The following SLC12A6 variants were observed in gnomAD, a reference collection of about 807,000 sequenced individuals.
The protein encoded by SLC12A6 is K-Cl cotransporter 3.
SLC12A6 carries 66 observed loss-of-function variants against 135.3 expected under a neutral mutation model. The observed-to-expected ratio is 0.49, with a 90% CI of 0.40 to 0.60. The LOEUF (loss-of-function observed/expected upper bound fraction) is 0.60. Among genes scored for constraint, SLC12A6 ranks in the 20% least tolerant of loss-of-function variants. The probability of loss-of-function intolerance (pLI) is 0.00; values close to 1 mark genes in which losing one functional copy is unlikely to be tolerated. For missense variants in SLC12A6, 1,058 were observed against 1,452.3 expected (o/e 0.73, Z 4.41); for synonymous variants, 513 against 508.8 (o/e 1.01, Z -0.11).
chr15:34,298,872 T>C (rs1376818283), intron 2 of SLC12A6, among the ~76,000 whole-genome samples: 1 of 152,180 alleles, frequency 6.6e-6, no homozygotes, highest in Non-Finnish European at 1.5e-5. Context: ...CTTAGACCAA[T>C]TGCCACCAAT....
intron 2 of SLC12A6, among the ~76,000 whole-genome samples, chr15:34,331,642 A>C (rs1464471687): frequency 1.3e-5 from 2 of 152,208 alleles, no homozygotes; most frequent in African/African-American, 4.8e-5. Context: ...ACTAGGTGTA[A>C]ATGATTTTGT....
intron 2 of SLC12A6, among the ~76,000 whole-genome samples, chr15:34,325,461 T>C (rs79427324): frequency 0.021 from 3,259 of 152,290 alleles, 56 homozygotes; most frequent in Admixed American, 0.047. Flanking sequence ...AAACTGTCTA[T>C]GAAAATGCAT....
intron 2 of SLC12A6, among the ~76,000 whole-genome samples, chr15:34,276,156 T>C (rs1894283698): frequency 6.6e-6 from 1 of 152,118 alleles, no homozygotes; most frequent in Non-Finnish European, 1.5e-5. Flanking sequence ...ATTAAAAAAA[T>C]AATAATCACA....
chr15:34,256,184 G>A (rs1386968971), intron 7 of SLC12A6, 45 bp downstream of exon 7: 2 of 1,213,158 alleles, frequency 1.6e-6, no homozygotes, highest in Non-Finnish European at 2.5e-6. Flanking sequence ...CATAAACACA[G>A]AGTCAACACT....
At chr15:34,274,236 G>T (rs1894149254) in intron 3 of SLC12A6, among the ~76,000 whole-genome samples, 1 of 152,024 alleles carries the variant, frequency 6.6e-6, no homozygotes. Flanking sequence ...AAAATGTTAA[G>T]TAAAAAGAAG....
chr15:34,336,602 C>A lies in SLC12A6; in HGVS notation c.79G>T (p.Gly27Cys), dbSNP rs752795341. 7 of 1,613,606 alleles carry A rather than the reference C, an allele frequency of 4.3e-6. No individual in the cohort carries two copies. In the Admixed American group the frequency reaches 1.2e-4, roughly 27 times the overall value. ...VTPTKIDDIP[G>C]LSDTSPDLSS... ...AGGTCCGGACTGGTGTCTGACAAAC[C>A]TGGAATGTCATCGATCTTTGTCGGT... Residue 27 changes from glycine (G) to cysteine (C), a missense_variant, in exon 2 of 26, where the codon GGT (glycine) becomes TGT (cysteine). By Grantham distance (159) the Gly-to-Cys change is radical. Transcript: ENST00000354181.
chr15:34,277,751 T>C (rs1408015939), intron 2 of SLC12A6, among the ~76,000 whole-genome samples: 1 of 152,224 alleles, frequency 6.6e-6, no homozygotes, highest in East Asian at 1.9e-4. Context: ...TCCTTCAAGA[T>C]TCTGATTCCC....
intron 2 of SLC12A6, among the ~76,000 whole-genome samples, chr15:34,279,833 A>G (rs2065431631): frequency 6.6e-6 from 1 of 152,226 alleles, no homozygotes; most frequent in African/African-American, 2.4e-5. Flanking sequence ...AAAAAATAGA[A>G]ACAAACTATA....
rs530625308 is a variant in SLC12A6, at chr15:34,240,181, T to C, written c.2436+480A>G. ...ATAGGATTAGTTCTATCATATATAA[T>C]AAGTATTAGAGTGAAAACAACTTCC... On this transcript the variant is annotated intron_variant, in intron 19 of 25. Transcript: ENST00000354181. 7.2e-5 allele frequency among the ~76,000 whole-genome samples: 11 copies of C among 152,172 alleles called. No homozygotes were observed. In the South Asian group the frequency reaches 2.3e-3, roughly 32 times the overall value.
At chr15:34,318,896 A>C in intron 2 of SLC12A6, 2 of 1,214,196 alleles carry the variant, frequency 1.6e-6, no homozygotes, top group South Asian at 3.1e-5. Flanking sequence ...TCATTCACTT[A>C]AAAGGATTAA....
intron 2 of SLC12A6, among the ~76,000 whole-genome samples, chr15:34,324,750 C>T (rs1312998191): frequency 2.0e-5 from 3 of 152,062 alleles, no homozygotes; most frequent in East Asian, 1.9e-4. Flanking sequence ...TCCCATACTC[C>T]GTACCCTCTC....
rs200403709 is a variant in SLC12A6 at position 34,250,966 on chromosome 15, T to C, written c.1425A>G (p.Glu475=). The change falls in exon 11 of 26, where the codon GAA becomes GAG. Residue 475 remains glutamate, a synonymous_variant. Transcript: ENST00000354181. ...AGGTGGTGATGTCAACAAGAACATA[T>C]TCATGGTTTAAGCTGCCTAAGACAT... The part of the protein sequence containing the change: ...SSDVLGSLNH[E]YVLVDITTSF... 7 of 1,612,064 alleles carry C rather than the reference T, an allele frequency of 4.3e-6. No homozygotes were observed. Among genetic ancestry groups the C allele is most frequent in the Admixed American group, 1.7e-5 (1 of 60,018 alleles).
intron 2 of SLC12A6, among the ~76,000 whole-genome samples, chr15:34,334,577 A>T (rs2141201841): frequency 6.6e-6 from 1 of 152,312 alleles, no homozygotes; most frequent in East Asian, 1.9e-4. Flanking sequence ...AAGAAAAAAA[A>T]AGAGAAAAGG....
At chr15:34,290,360 T>C (rs1298549106) in intron 2 of SLC12A6, among the ~76,000 whole-genome samples, 2 of 152,188 alleles carry the variant, frequency 1.3e-5, no homozygotes, top group African/African-American at 4.8e-5. Context: ...TTGTGATTTC[T>C]GTTTCTTTTA....
intron 2 of SLC12A6, among the ~76,000 whole-genome samples, chr15:34,320,384 C>A (rs1030992638): frequency 6.6e-6 from 1 of 151,886 alleles, no homozygotes; most frequent in African/African-American, 2.4e-5. Context: ...GTGAAATAAG[C>A]CAAGCATAGA....
chr15:34,264,177 G>A (rs562115120), intron 3 of SLC12A6, among the ~76,000 whole-genome samples: 16 of 152,262 alleles, frequency 1.1e-4, no homozygotes, highest in Admixed American at 9.2e-4. Context: ...TTTAGGCAAC[G>A]ATAATCAATG....
Position 34,319,963 on chromosome 15 carries a change from T to C in SLC12A6, c.271+16447A>G, listed in dbSNP as rs948630704. Reference sequence around the variant, plus strand: ...ACCCTTAAAATAACATACTTAATTCTTGATATAATTTATCAGACAACTGTA... The same window carrying C: ...ACCCTTAAAATAACATACTTAATTCCTGATATAATTTATCAGACAACTGTA... On this transcript the variant is annotated intron_variant, in intron 2 of 25. Coordinates refer to ENST00000354181, the MANE Select transcript of SLC12A6 (RefSeq NM_001365088.1). Among the ~76,000 whole-genome samples the C allele has an allele frequency of 2.0e-5, 3 of 152,200 alleles. No individual in the cohort carries two copies. In the South Asian group the frequency reaches 6.2e-4, roughly 32 times the overall value.
At chr15:34,284,283 T>C (rs868647669) in intron 2 of SLC12A6, among the ~76,000 whole-genome samples, 85 of 130,618 alleles carry the variant, frequency 6.5e-4, no homozygotes, top group African/African-American at 2.2e-3. Context: ...TTTTCTTTTT[T>C]TTTTTTTTTT....
At chr15:34,265,447 AC>A (rs759896657) in intron 3 of SLC12A6, among the ~76,000 whole-genome samples, 4 of 152,000 alleles carry the variant, frequency 2.6e-5, no homozygotes, top group Non-Finnish European at 5.9e-5. Context: ...AAACAAAAAA[AC>A]CCAAAAAGAA....
Sources: gnomAD v4.1 joint callset for allele counts (sites outside exome capture counted in the v4.1 genomes callset) on GRCh38, gnomAD v4.1.1 for gene constraint, MANE v1.5 for transcripts, NCBI Gene and HGNC (gene_info 2026-07-23, HGNC 2026-07-21) for gene names.